Variants in TBL2 observed in about 807,000 individuals in gnomAD.
TBL2 encodes transducin beta-like protein 2.
TBL2 carries 33 observed loss-of-function variants against 41.8 expected under a neutral mutation model. That is an observed-to-expected ratio of 0.79 (90% CI 0.60 to 1.06). The LOEUF (loss-of-function observed/expected upper bound fraction) is 1.06. Among genes scored for constraint, TBL2 ranks in the 50% least tolerant of loss-of-function variants. TBL2 has a pLI of 0.00. For missense variants in TBL2, 522 were observed against 603.8 expected (o/e 0.86, Z 1.42); for synonymous variants, 239 against 241.7 (o/e 0.99, Z 0.10).
At chr7:73,574,848 G>A in intron 1 of TBL2, 1 of 400,978 alleles carries the variant, frequency 2.5e-6, no homozygotes, top group East Asian at 6.6e-5. Context: ...CAAAACAGAG[G>A]CTTTGGAATC....
chr7:73,570,949 C>G lies in TBL2; in HGVS notation c.902G>C (p.Gly301Ala). ...ATCTGTGTCCCACAGTTTCCATGTACCATCCTTGGAGACAGAAGCCATCCT... is the reference window on the plus strand; with the variant it reads ...ATCTGTGTCCCACAGTTTCCATGTAGCATCCTTGGAGACAGAAGCCATCCT... Reference protein sequence around the residue: ...SRRMASVSKDGTWKLWDTDVE... With the variant: ...SRRMASVSKDATWKLWDTDVE... Residue 301 changes from glycine to alanine, a missense_variant, in exon 7 of 7, where the codon GGT (glycine) becomes GCT (alanine). Transcript: ENST00000305632. 6.2e-7 allele frequency: 1 copy of G among 1,607,950 alleles called. No individual in the cohort carries two copies. Among genetic ancestry groups the G allele is most frequent in the Non-Finnish European group, 8.5e-7 (1 of 1,176,544 alleles).
intron 6 of TBL2, 29 bp from the exon 7 acceptor site, chr7:73,571,001 C>A: frequency 1.3e-6 from 2 of 1,576,854 alleles, no homozygotes; most frequent in Admixed American, 1.8e-5. Context: ...CAGCTCAAGC[C>A]CCAACACACC....
rs1007351572 is a variant in TBL2 at position 73,574,370 on chromosome 7, G to A, written c.261+13C>T. 1.9e-6 allele frequency: 3 copies of A among 1,612,592 alleles called. No homozygotes were observed. In the African/African-American group the frequency reaches 4.0e-5, roughly 22 times the overall value. On this transcript the variant is annotated intron_variant, in intron 2 of 6. Coordinates refer to ENST00000305632, the MANE Select transcript of TBL2 (RefSeq NM_012453.4). The stretch of plus-strand genomic sequence containing the variant: ...AGTCTCAGGGTGCACGCTGTGCCAG[G>A]TACCCCACGTACCTTCAGAGCTGCA...
chr7:73,572,866 CGT>C lies in TBL2; in HGVS notation c.701_702del (p.His234ArgfsTer93), dbSNP rs1476591758. On this transcript the variant is annotated frameshift_variant, in exon 5 of 7. Coordinates refer to ENST00000305632, the MANE Select transcript of TBL2 (RefSeq NM_012453.4). LOFTEE classifies it high-confidence loss of function. ...TINTNQMNNT[H>X]AAVSPCGRFV... is the part of the protein sequence containing the mutation. ...CACCTGCCACAGGGAGATACAGCAG[CGT>C]GTGTGTTGTTCATCTGGTTGGTGTT... The C allele has an allele frequency of 1.2e-6, 2 of 1,614,108 alleles. No homozygotes were observed. Among genetic ancestry groups the C allele is most frequent in the South Asian group, 2.2e-5 (2 of 91,084 alleles).
chr7:73,573,739 C>T (rs35659126), intron 3 of TBL2, 199 bp downstream of exon 3: 123,469 of 756,374 alleles, frequency 0.16, 11,013 homozygotes, highest in Non-Finnish European at 0.19. Flanking sequence ...GAAGAGACCT[C>T]CCCCTGTTTC....
intron 2 of TBL2, 66 bp downstream of exon 2, chr7:73,574,317 T>C (rs889882919): frequency 5.0e-6 from 8 of 1,599,428 alleles, no homozygotes; most frequent in Non-Finnish European, 6.8e-6. Context: ...ATGCATGGAA[T>C]ACTCCAGAGG....
intron 5 of TBL2, chr7:73,571,588 C>T (rs1468264880): frequency 2.4e-6 from 1 of 419,858 alleles, no homozygotes; most frequent in Non-Finnish European, 4.4e-6. Context: ...GAAACCTCAT[C>T]TCTACTAAAA....
chr7:73,574,192 G>A (rs1316000962), intron 2 of TBL2, 70 bp from the exon 3 acceptor site: 82 of 1,576,152 alleles, frequency 5.2e-5, no homozygotes, highest in Non-Finnish European at 6.7e-5. Context: ...ACCTGGAGCC[G>A]GGGAGATGGG....
In TBL2 at chr7:73,568,659, C is replaced by A. The variant is rs191570197; in HGVS notation, c.*1848G>T. Among the ~76,000 whole-genome samples the A allele has an allele frequency of 4.2e-4, 64 of 152,286 alleles. No homozygotes were observed. Among genetic ancestry groups the A allele is most frequent in the African/African-American group, 1.5e-3 (63 of 41,560 alleles). On this transcript the variant is annotated 3_prime_UTR_variant, in exon 7 of 7. Coordinates refer to ENST00000305632, the MANE Select transcript of TBL2 (RefSeq NM_012453.4). ...GTGTTTTTAGCTAGGCACGATGGCT[C>A]ACACCTGTAATCCCAGCACTTGGGG...
At chr7:73,578,325 C>T (rs1554589417) in intron 1 of TBL2, 95 bp downstream of exon 1, 1 of 1,535,994 alleles carries the variant, frequency 6.5e-7, no homozygotes, top group Non-Finnish European at 8.7e-7. Context: ...GTCGCCGGGC[C>T]CCACCAGCCG....
chr7:73,570,825 G>C lies in TBL2; in HGVS notation c.1026C>G (p.Asn342Lys), dbSNP rs782288294. 1 of 1,613,966 alleles carries C rather than the reference G, an allele frequency of 6.2e-7. No individual in the cohort carries two copies. The highest frequency in any genetic ancestry group is 2.2e-5 in the East Asian group (1 of 44,892). ...AAPCRLALSP[N>K]AQVLALASGS... ...CACTGGCCAAGGCCAAGACCTGGGC[G>C]TTGGGGGAGAGGGCCAGGCGGCACG... Residue 342 changes from asparagine to lysine, a missense_variant, in exon 7 of 7, where the codon AAC becomes AAG. Transcript: ENST00000305632.
At chr7:73,576,206 AT>A (rs34259591) in intron 1 of TBL2, among the ~76,000 whole-genome samples, 142,554 of 146,306 alleles carry the variant, frequency 0.97, 69,454 homozygotes, top group East Asian at 1. Flanking sequence ...CTGCTGGATC[AT>A]TTTTTTTTTT....
chr7:73,574,230 T>C (rs1793151703), intron 2 of TBL2, 108 bp from the exon 3 acceptor site: 1 of 1,530,968 alleles, frequency 6.5e-7, no homozygotes, highest in African/African-American at 1.4e-5. Flanking sequence ...AACAGCAAGC[T>C]GAGATTGGGC....
At chr7:73,578,098 C>A in intron 1 of TBL2, 1 of 662,480 alleles carries the variant, frequency 1.5e-6, no homozygotes. Context: ...AGAATTGGTG[C>A]TTTTTCCGAG....
intron 4 of TBL2, 32 bp from the exon 5 acceptor site, chr7:73,573,002 G>A: frequency 1.2e-6 from 2 of 1,613,398 alleles, no homozygotes; most frequent in South Asian, 1.1e-5. Flanking sequence ...TGGGTCACGG[G>A]CAGTGACCTG....
intron 3 of TBL2, 95 bp from the exon 4 acceptor site, chr7:73,573,566 T>C (rs1563451413): frequency 6.7e-7 from 1 of 1,498,050 alleles, no homozygotes; most frequent in East Asian, 2.3e-5. Context: ...TCAAGATCTC[T>C]CCTCATGCCC....
rs1157197459 is a variant in TBL2 at position 73,578,313 on chromosome 7, G to A, written c.130+107C>T. ...ACCAGAGGAGAAACTGAGGCCCATG[G>A]AGTCGCCGGGCCCCACCAGCCGCGG... On this transcript the variant is annotated intron_variant, in intron 1 of 6. Coordinates refer to ENST00000305632, the MANE Select transcript of TBL2 (RefSeq NM_012453.4). 16 of 1,536,060 alleles carry A rather than the reference G, an allele frequency of 1.0e-5. No individual in the cohort carries two copies. The Admixed American group carries it at 3.2e-4, about 30-fold the overall frequency.
In TBL2 at chr7:73,569,524, C is replaced by G. The variant is rs1454948797; in HGVS notation, c.*983G>C. On this transcript the variant is annotated 3_prime_UTR_variant, in exon 7 of 7. Coordinates refer to ENST00000305632, the MANE Select transcript of TBL2 (RefSeq NM_012453.4). Reference sequence around the variant, plus strand: ...AAATGTACCCCTTCAACTTCAATACCCATTGCCTCTGTCCTGCTCTGGTCC... The same window carrying G: ...AAATGTACCCCTTCAACTTCAATACGCATTGCCTCTGTCCTGCTCTGGTCC... The G allele has an allele frequency of 6.6e-6, 1 of 152,194 alleles. No individual in the cohort carries two copies. The highest frequency in any genetic ancestry group is 2.4e-5 in the African/African-American group (1 of 41,434). The allele number at this position is 152,194 out of a possible 1,614,324, so 9.4% of individuals were successfully genotyped here. A position where few individuals can be genotyped will look rare whatever the true frequency, so the allele number is the denominator to read the frequency against.
At chr7:73,577,363 A>G (rs1242198090) in intron 1 of TBL2, among the ~76,000 whole-genome samples, 2 of 151,458 alleles carry the variant, frequency 1.3e-5, no homozygotes, top group African/African-American at 4.9e-5. Flanking sequence ...ATCACCTGAG[A>G]TCAGGCGTTC....
Sources: gnomAD v4.1 joint callset for allele counts (sites outside exome capture counted in the v4.1 genomes callset) on GRCh38, gnomAD v4.1.1 for gene constraint, MANE v1.5 for transcripts, NCBI Gene and HGNC (gene_info 2026-07-23, HGNC 2026-07-21) for gene names.